The following ATAD1 variants were observed in gnomAD, a reference collection of about 807,000 sequenced individuals.
ATAD1 encodes outer mitochondrial transmembrane helix translocase.
ATAD1 carries 18 observed loss-of-function variants against 42.7 expected under a neutral mutation model. The observed-to-expected ratio is 0.42, with a 90% CI of 0.29 to 0.63. The LOEUF (loss-of-function observed/expected upper bound fraction) is 0.63, where lower values mean the gene tolerates loss of function less well. Ranked by LOEUF, ATAD1 falls within the 20% of genes least tolerant of loss-of-function variation. The probability of loss-of-function intolerance (pLI) is 0.19; values close to 1 mark genes in which losing one functional copy is unlikely to be tolerated. For missense variants in ATAD1, 294 were observed against 440.4 expected, an observed-to-expected ratio of 0.67 and a Z score of 2.98; for synonymous variants, 132 against 143.1, an observed-to-expected ratio of 0.92 and a Z score of 0.55.
chr10:87,795,883 G>C (rs2131960204), intron 2 of ATAD1, among the ~76,000 whole-genome samples: 1 of 152,274 alleles, frequency 6.6e-6, no homozygotes, highest in Admixed American at 6.5e-5. Flanking sequence ...ATTAACAAGA[G>C]TGAAAAATCA....
At chr10:87,795,697 T>C (rs1401139730) in intron 2 of ATAD1, among the ~76,000 whole-genome samples, 1 of 152,096 alleles carries the variant, frequency 6.6e-6, no homozygotes, top group South Asian at 2.1e-4. Flanking sequence ...TTCAAAAAGA[T>C]TAAGAAGTGG....
chr10:87,802,462 T>G (rs929171227), intron 2 of ATAD1, among the ~76,000 whole-genome samples: 1 of 151,940 alleles, frequency 6.6e-6, no homozygotes, highest in Admixed American at 6.6e-5. Context: ...TTTAAAAAAG[T>G]CTTACCTGAG....
intron 8 of ATAD1, among the ~76,000 whole-genome samples, chr10:87,760,865 T>C (rs1854451063): frequency 6.6e-6 from 1 of 152,226 alleles, no homozygotes; most frequent in African/African-American, 2.4e-5. Flanking sequence ...AATACTTTTA[T>C]AGGGTATAAA....
At chr10:87,774,744 A>G (rs1855210253) in intron 6 of ATAD1, among the ~76,000 whole-genome samples, 1 of 151,924 alleles carries the variant, frequency 6.6e-6, no homozygotes, top group South Asian at 2.1e-4. Flanking sequence ...TGAGCTCAGG[A>G]GTTCAAGACC....
intron 2 of ATAD1, among the ~76,000 whole-genome samples, chr10:87,806,292 T>C (rs1250654911): frequency 6.6e-6 from 1 of 152,100 alleles, no homozygotes; most frequent in Non-Finnish European, 1.5e-5. Context: ...TTTTTTTAAG[T>C]TCTTACAGTG....
intron 8 of ATAD1, 105 bp from the exon 9 acceptor site, chr10:87,757,027 G>A (rs1854254088): frequency 3.4e-6 from 3 of 894,834 alleles, no homozygotes; most frequent in Non-Finnish European, 4.6e-6. Context: ...ATAACTGCAT[G>A]GGAGGAGAAA....
chr10:87,783,923 T>TA (rs890932599), intron 5 of ATAD1, among the ~76,000 whole-genome samples: 55 of 144,282 alleles, frequency 3.8e-4, no homozygotes, highest in East Asian at 1.2e-3. Flanking sequence ...TAATAAACTG[T>TA]AAAAAAAAAA....
At chr10:87,818,281 C>T, upstream of ATAD1, 5 of 984,956 alleles carry the variant, frequency 5.1e-6, no homozygotes, top group Non-Finnish European at 4.8e-6. Context: ...TCCCACGGAG[C>T]ATGCGCGACC....
intron 8 of ATAD1, among the ~76,000 whole-genome samples, chr10:87,764,835 G>T (rs1025420913): frequency 1.3e-5 from 2 of 152,060 alleles, no homozygotes; most frequent in Non-Finnish European, 2.9e-5. Context: ...TGGGTGTGTG[G>T]GGGGGAAGCA....
At chr10:87,812,542 C>G (rs112976887) in intron 2 of ATAD1, among the ~76,000 whole-genome samples, 3 of 152,212 alleles carry the variant, frequency 2.0e-5, no homozygotes, top group African/African-American at 7.2e-5. Context: ...GGATTATAGG[C>G]GTGAGCCACC....
At chr10:87,818,323 C>T (rs1428890627), upstream of ATAD1, 1 of 936,892 alleles carries the variant, frequency 1.1e-6, no homozygotes, top group East Asian at 1.2e-4. Context: ...GGCGTGCTCC[C>T]AGGCTTAGAA....
At chr10:87,786,242 A>T (rs995431071) in intron 4 of ATAD1, among the ~76,000 whole-genome samples, 3 of 152,176 alleles carry the variant, frequency 2.0e-5, no homozygotes, top group African/African-American at 7.2e-5. Context: ...ATATTGTTAC[A>T]CTTGGTACTT....
chr10:87,813,061 C>A (rs1857257622), intron 2 of ATAD1, among the ~76,000 whole-genome samples: 1 of 152,122 alleles, frequency 6.6e-6, no homozygotes, highest in Non-Finnish European at 1.5e-5. Flanking sequence ...GTTTCATATA[C>A]CTAATATTTA....
At chr10:87,809,079 A>C (rs1046743031) in intron 2 of ATAD1, among the ~76,000 whole-genome samples, 6 of 152,234 alleles carry the variant, frequency 3.9e-5, no homozygotes, top group Admixed American at 1.3e-4. Flanking sequence ...TATGGAACTA[A>C]CCATGTATTC....
chr10:87,784,630 C>T lies in ATAD1; in HGVS notation c.423G>A (p.Leu141=), dbSNP rs1855737826. 1 of 1,612,874 alleles carries T rather than the reference C, an allele frequency of 6.2e-7. No homozygotes were observed. The highest frequency in any genetic ancestry group is 8.5e-7 in the Non-Finnish European group (1 of 1,179,846). ...LYGPPGCGKT[L]IAKATAKEAG... ...CTTCTTTGGCTGTGGCCTTGGCAAT[C>T]AACGTTTTACCACAGCCTGGAGGCC... The change falls in exon 5 of 10, where the codon TTG becomes TTA. Residue 141 remains leucine (L), a synonymous_variant. Transcript: ENST00000680024.
intron 2 of ATAD1, among the ~76,000 whole-genome samples, chr10:87,805,140 C>G (rs1371426732): frequency 6.6e-6 from 1 of 152,186 alleles, no homozygotes; most frequent in Non-Finnish European, 1.5e-5. Context: ...TGTTCTACAT[C>G]TAAGCTTTTA....
At chr10:87,780,929 T>C (rs2131863620) in intron 5 of ATAD1, among the ~76,000 whole-genome samples, 1 of 152,252 alleles carries the variant, frequency 6.6e-6, no homozygotes, top group East Asian at 1.9e-4. Context: ...GGTAAAAATG[T>C]CCTCCTTACA....
At chr10:87,762,050 A>G (rs1406865840) in intron 8 of ATAD1, among the ~76,000 whole-genome samples, 3 of 152,130 alleles carry the variant, frequency 2.0e-5, no homozygotes, top group African/African-American at 7.2e-5. Context: ...CAGCACTGAC[A>G]TGAGTAACTT....
intron 8 of ATAD1, among the ~76,000 whole-genome samples, chr10:87,765,872 A>G (rs1854719153): frequency 6.6e-6 from 1 of 152,004 alleles, no homozygotes; most frequent in Admixed American, 6.6e-5. Flanking sequence ...AACAAAATAA[A>G]TAACTAAATA....
Sources: allele counts gnomAD v4.1 joint callset (sites outside exome capture counted in the v4.1 genomes callset), GRCh38; gene constraint gnomAD v4.1.1; transcripts MANE v1.5; gene names NCBI Gene and HGNC (gene_info 2026-07-23, HGNC 2026-07-21).